CAMK1G: variants seen among roughly 807,000 people sequenced by gnomAD.
CAMK1G encodes calcium/calmodulin dependent protein kinase IG, also known as calcium/calmodulin-dependent protein kinase type 1G.
CAMK1G carries 27 observed loss-of-function variants against 54.8 expected under a neutral mutation model. The observed-to-expected ratio is 0.49, with a 90% CI of 0.36 to 0.68. CAMK1G has a LOEUF of 0.68. Ranked by LOEUF, CAMK1G falls within the 30% of genes least tolerant of loss-of-function variation. The pLI, the probability that CAMK1G is intolerant of heterozygous loss-of-function variation, is 0.00. For synonymous variants in CAMK1G, 238 were observed against 224.9 expected (o/e 1.06, Z -0.52); for missense variants, 512 against 591.0 (o/e 0.87, Z 1.39).
chr1:209,599,810 C>T (rs189965667), intron 2 of CAMK1G, among the ~76,000 whole-genome samples, 173 bp from the exon 3 acceptor site: 7 of 152,296 alleles, frequency 4.6e-5, no homozygotes, highest in Non-Finnish European at 8.8e-5. Context: ...TTCCCCCCTT[C>T]CCTTTTTTAA....
chr1:209,606,523 C>G, intron 6 of CAMK1G, 80 bp downstream of exon 6: 9 of 1,512,654 alleles, frequency 5.9e-6, no homozygotes, highest in Non-Finnish European at 8.1e-6. Context: ...AGGGGTGATT[C>G]TGAGAACATA....
chr1:209,600,665 G>A (rs1169414586), intron 3 of CAMK1G, among the ~76,000 whole-genome samples: 1 of 152,228 alleles, frequency 6.6e-6, no homozygotes, highest in Admixed American at 6.5e-5. Context: ...AGCCTATGCT[G>A]GATACAGAGG....
At chr1:209,605,793 C>T (rs1167881824) in intron 5 of CAMK1G, 119 bp downstream of exon 5, 1 of 959,666 alleles carries the variant, frequency 1.0e-6, no homozygotes, top group Admixed American at 2.6e-5. Context: ...CCCAAGGCCC[C>T]TTCTGCCCTT....
intron 1 of CAMK1G, among the ~76,000 whole-genome samples, chr1:209,590,502 T>C (rs1054847407): frequency 1.5e-4 from 23 of 152,212 alleles, no homozygotes; most frequent in African/African-American, 5.5e-4. Context: ...TAGCCTAGCT[T>C]CGGCTAAGAA....
At chr1:209,612,299 G>A (rs1665803508) in intron 11 of CAMK1G, 83 bp downstream of exon 11, 1 of 1,451,478 alleles carries the variant, frequency 6.9e-7, no homozygotes, top group African/African-American at 1.4e-5. Flanking sequence ...TGGACACAAA[G>A]GCCTCTCCCA....
In CAMK1G at chr1:209,595,110, G is replaced by A. The variant is rs1202952685; in HGVS notation, c.92+35G>A. 17 of 1,498,112 alleles carry A rather than the reference G, an allele frequency of 1.1e-5. No homozygotes were observed. In the Admixed American group the frequency reaches 1.5e-4, roughly 13 times the overall value. The allele number at this position is 1,498,112 out of a possible 1,614,324, so 92.8% of individuals were successfully genotyped here. A position where few individuals can be genotyped will look rare whatever the true frequency, so the allele number is the denominator to read the frequency against. ...GGGGCTGTGAGGTCGGGTGGGCTGG[G>A]CTGCCTGCAGTGGGAGGTTAGAAGA... On this transcript the variant is annotated intron_variant, in intron 2 of 12. Transcript: ENST00000361322.
intron 2 of CAMK1G, 71 bp from the exon 3 acceptor site, chr1:209,599,912 G>C: frequency 3.2e-6 from 5 of 1,578,408 alleles, no homozygotes; most frequent in Non-Finnish European, 4.3e-6. Context: ...CGTCCTTTCT[G>C]AGGTCTTACA....
chr1:209,608,072 TAC>T (rs35151738), intron 7 of CAMK1G, 139 bp downstream of exon 7: 38,215 of 540,718 alleles, frequency 0.071, 88 homozygotes, highest in Non-Finnish European at 0.083. Flanking sequence ...GGCACACGGG[TAC>T]ACACACACAC....
chr1:209,608,822 A>G (rs933724942), intron 7 of CAMK1G, 158 bp from the exon 8 acceptor site: 2 of 550,670 alleles, frequency 3.6e-6, no homozygotes, highest in African/African-American at 2.1e-5. Context: ...GACCTGTACC[A>G]TTCTGGAATT....
At chr1:209,611,057 A>G (rs929047912) in intron 9 of CAMK1G, among the ~76,000 whole-genome samples, 2 of 152,166 alleles carry the variant, frequency 1.3e-5, no homozygotes, top group Non-Finnish European at 2.9e-5. Context: ...TTTTCTATAA[A>G]GCATCAGATA....
chr1:209,610,345 T>C (rs533877879), intron 9 of CAMK1G, among the ~76,000 whole-genome samples: 2 of 152,262 alleles, frequency 1.3e-5, no homozygotes, highest in East Asian at 3.9e-4. Context: ...ATTGGCAAAA[T>C]AGGAAAAAGA....
chr1:209,591,099 C>T (rs1423359929), intron 1 of CAMK1G, among the ~76,000 whole-genome samples: 1 of 151,256 alleles, frequency 6.6e-6, no homozygotes, highest in African/African-American at 2.4e-5. Context: ...CTCTTATATT[C>T]TATCTTCCTC....
intron 10 of CAMK1G, 119 bp downstream of exon 10, chr1:209,611,671 C>A (rs1665783792): frequency 5.5e-6 from 8 of 1,461,428 alleles, no homozygotes; most frequent in Non-Finnish European, 7.5e-6. Context: ...GCTCCGTGTA[C>A]CCTCTCTGAA....
rs1024361724 is a variant in CAMK1G, at chr1:209,588,626, G to A, written c.-30+4854G>A. On this transcript the variant is annotated intron_variant, in intron 1 of 12. Coordinates refer to ENST00000361322, the MANE Select transcript of CAMK1G (RefSeq NM_020439.3). The stretch of plus-strand genomic sequence containing the variant: ...ACATGAGAGTGCAGAGAGAGAATCC[G>A]GCCAGTGTGGGGTCATGAGGTGACC... Among the ~76,000 whole-genome samples the A allele has an allele frequency of 5.3e-5, 8 of 152,172 alleles. No individual in the cohort carries two copies. The South Asian group carries it at 6.2e-4, about 12-fold the overall frequency.
At chr1:209,600,223 T>G in intron 3 of CAMK1G, 112 bp downstream of exon 3, 1 of 1,270,450 alleles carries the variant, frequency 7.9e-7, no homozygotes, top group Middle Eastern at 2.1e-4. Context: ...CATTGCTCAC[T>G]TTGATTGAGT....
At chr1:209,601,621 A>G (rs986707626) in intron 3 of CAMK1G, among the ~76,000 whole-genome samples, 28 of 152,226 alleles carry the variant, frequency 1.8e-4, no homozygotes, top group African/African-American at 6.3e-4. Flanking sequence ...TTGTATCAAC[A>G]GTATTTGTGC....
intron 1 of CAMK1G, among the ~76,000 whole-genome samples, chr1:209,592,807 T>C (rs1452335856): frequency 6.6e-6 from 1 of 152,232 alleles, no homozygotes; most frequent in Non-Finnish European, 1.5e-5. Flanking sequence ...TGTATCATAT[T>C]CTTCTTATTC....
At chr1:209,609,212 A>C in intron 8 of CAMK1G, 120 bp downstream of exon 8, 1 of 1,136,328 alleles carries the variant, frequency 8.8e-7, no homozygotes, top group Non-Finnish European at 1.3e-6. Flanking sequence ...CTTACAGAAC[A>C]GGCTGCCAAG....
chr1:209,596,036 G>A (rs995059608), intron 2 of CAMK1G, among the ~76,000 whole-genome samples: 1 of 152,220 alleles, frequency 6.6e-6, no homozygotes, highest in African/African-American at 2.4e-5. Context: ...CAGCCAGCGG[G>A]CTGTCCATCC....
Sources: gnomAD v4.1 joint callset for allele counts (sites outside exome capture counted in the v4.1 genomes callset) on GRCh38, gnomAD v4.1.1 for gene constraint, MANE v1.5 for transcripts, NCBI Gene and HGNC (gene_info 2026-07-23, HGNC 2026-07-21) for gene names.